The following DISC1 variants were observed in gnomAD, a reference collection of about 807,000 sequenced individuals.
DISC1 encodes DISC1 scaffold protein, also known as disrupted in schizophrenia 1 protein.
DISC1 carries 57 observed loss-of-function variants against 84.5 expected under a neutral mutation model. The ratio of observed to expected loss-of-function variants is 0.67; its 90% CI spans 0.55 to 0.84. DISC1 has a LOEUF of 0.84. DISC1 is among the 40% of genes least tolerant of loss of function. DISC1 has a pLI of 0.00. For synonymous variants in DISC1, 411 were observed against 415.2 expected, an observed-to-expected ratio of 0.99 and a Z score of 0.12; for missense variants, 1,000 against 1,057.8, an observed-to-expected ratio of 0.95 and a Z score of 0.76.
At chr1:231,857,993 G>A (rs963636274) in intron 9 of DISC1, among the ~76,000 whole-genome samples, 10 of 152,212 alleles carry the variant, frequency 6.6e-5, no homozygotes, top group African/African-American at 1.9e-4. Flanking sequence ...CTATAGGCCC[G>A]GGTTAAATTG....
chr1:231,704,359 G>T (rs2066764296), intron 3 of DISC1, among the ~76,000 whole-genome samples: 1 of 152,128 alleles, frequency 6.6e-6, no homozygotes. Context: ...TCTTTGCATA[G>T]AAATTGGCTT....
chr1:231,852,117 CTCGAGATCACA>C, intron 9 of DISC1, among the ~76,000 whole-genome samples: 1 of 152,244 alleles, frequency 6.6e-6, no homozygotes, highest in South Asian at 2.1e-4. Context: ...TGGTAACTTG[CTCGAGATCACA>C]CAGCCAGCGA....
At chr1:231,918,516 G>A (rs374277984) in intron 9 of DISC1, among the ~76,000 whole-genome samples, 5 of 152,332 alleles carry the variant, frequency 3.3e-5, no homozygotes, top group African/African-American at 1.2e-4. Flanking sequence ...AGCCCTCACG[G>A]TGCCTGTGTG....
chr1:231,840,696 G>T lies in DISC1; in HGVS notation c.1981+22179G>T, dbSNP rs200500401. On this transcript the variant is annotated intron_variant, in intron 9 of 12. Coordinates refer to ENST00000439617, the MANE Select transcript of DISC1 (RefSeq NM_018662.3). Reference sequence around the variant, plus strand: ...GGAATTCTTGGTTTTGTTTTTATTTGTTTTTTTTTTTTTGTTGTTGTTGTT... The same window carrying T: ...GGAATTCTTGGTTTTGTTTTTATTTTTTTTTTTTTTTTTGTTGTTGTTGTT... Among the ~76,000 whole-genome samples, 13 of 145,818 alleles carry T rather than the reference G, an allele frequency of 8.9e-5. No individual in the cohort carries two copies. In the East Asian group the frequency reaches 1.4e-3, roughly 16 times the overall value.
chr1:231,734,201 A>G (rs1000857197), intron 3 of DISC1, among the ~76,000 whole-genome samples: 1 of 152,180 alleles, frequency 6.6e-6, no homozygotes, highest in African/African-American at 2.4e-5. Flanking sequence ...GTGAAGACAT[A>G]CTTATAGAAA....
At chr1:231,768,685 C>A (rs538262379) in intron 5 of DISC1, among the ~76,000 whole-genome samples, 43 of 152,252 alleles carry the variant, frequency 2.8e-4, no homozygotes, top group African/African-American at 9.9e-4. Context: ...GTTTGAAGTG[C>A]TTGAGATTCC....
At chr1:231,706,208 C>T (rs748797845) in intron 3 of DISC1, among the ~76,000 whole-genome samples, 6 of 152,160 alleles carry the variant, frequency 3.9e-5, no homozygotes, top group African/African-American at 9.7e-5. Context: ...ATTTACATAG[C>T]GTCCTTCTCC....
intron 3 of DISC1, 59 bp from the exon 4 acceptor site, chr1:231,749,864 GGGT>G (rs1159334863): frequency 3.7e-6 from 6 of 1,606,222 alleles, no homozygotes; most frequent in Non-Finnish European, 5.1e-6. Context: ...AGAGACACCG[GGGT>G]TATCTATTTT....
chr1:231,920,545 C>G (rs563117087), intron 9 of DISC1, among the ~76,000 whole-genome samples: 1 of 152,156 alleles, frequency 6.6e-6, no homozygotes, highest in Non-Finnish European at 1.5e-5. Context: ...TGTCTTATTT[C>G]ACTTAGTGTA....
At chr1:231,722,542 G>A (rs1342693019) in intron 3 of DISC1, 2 of 1,614,130 alleles carry the variant, frequency 1.2e-6, no homozygotes, top group South Asian at 1.1e-5. Context: ...TTGGCAGCTG[G>A]AACCAATTGC....
At chr1:231,672,036 G>A (rs2062675601) in intron 1 of DISC1, among the ~76,000 whole-genome samples, 2 of 152,116 alleles carry the variant, frequency 1.3e-5, no homozygotes, top group African/African-American at 4.8e-5. Context: ...ATTATATTGT[G>A]CCAGAGGTTG....
intron 3 of DISC1, among the ~76,000 whole-genome samples, chr1:231,742,997 T>G (rs2073503244): frequency 6.6e-6 from 1 of 152,230 alleles, no homozygotes; most frequent in Admixed American, 6.5e-5. Context: ...CTGCGATAAC[T>G]TATATCTTTC....
intron 9 of DISC1, chr1:231,855,346 A>C (rs1217213699): frequency 2.1e-6 from 2 of 973,568 alleles, no homozygotes; most frequent in Non-Finnish European, 2.4e-6. Context: ...TCAATTAAAC[A>C]GTACATTAAA....
chr1:231,642,684 C>T (rs1422095322), intron 1 of DISC1, among the ~76,000 whole-genome samples: 1 of 152,068 alleles, frequency 6.6e-6, no homozygotes, highest in African/African-American at 2.4e-5. Flanking sequence ...AATGTAAGCT[C>T]TATACAATTC....
At chr1:231,900,722 G>A (rs969260041) in intron 9 of DISC1, among the ~76,000 whole-genome samples, 2 of 152,138 alleles carry the variant, frequency 1.3e-5, no homozygotes, top group Non-Finnish European at 2.9e-5. Context: ...TTTTTAAAGA[G>A]CTCCTCAATG....
chr1:231,922,072 C>T (rs2090045985), intron 9 of DISC1, among the ~76,000 whole-genome samples: 2 of 152,130 alleles, frequency 1.3e-5, no homozygotes, highest in African/African-American at 2.4e-5. Flanking sequence ...CTAAAACTGT[C>T]CCTGAGGCTT....
intron 1 of DISC1, among the ~76,000 whole-genome samples, chr1:231,674,638 T>C (rs2062962703): frequency 6.6e-6 from 1 of 152,264 alleles, no homozygotes; most frequent in South Asian, 2.1e-4. Flanking sequence ...AGCAGTTCTC[T>C]GCAGTACATT....
At chr1:231,851,226 A>T (rs893237641) in intron 9 of DISC1, among the ~76,000 whole-genome samples, 1 of 152,296 alleles carries the variant, frequency 6.6e-6, no homozygotes, top group Middle Eastern at 3.4e-3. Flanking sequence ...GTGTTTTTCG[A>T]AGGCAACTTT....
At chr1:231,895,614 A>C (rs1247379840) in intron 9 of DISC1, among the ~76,000 whole-genome samples, 1 of 117,592 alleles carries the variant, frequency 8.5e-6, no homozygotes, top group Non-Finnish European at 1.8e-5. Context: ...ATTCTTTACC[A>C]CTGTGCTAGA....
Sources: gnomAD v4.1 joint callset for allele counts (sites outside exome capture counted in the v4.1 genomes callset) on GRCh38, gnomAD v4.1.1 for gene constraint, MANE v1.5 for transcripts, NCBI Gene and HGNC (gene_info 2026-07-23, HGNC 2026-07-21) for gene names.